The following ZRANB1 variants were observed in gnomAD, a reference collection of about 807,000 sequenced individuals.
ZRANB1 encodes the protein zinc finger RANBP2-type containing 1, also known as ubiquitin thioesterase ZRANB1.
Under a neutral mutation model 80.5 loss-of-function variants are expected in ZRANB1, and 16 were observed. The ratio of observed to expected loss-of-function variants is 0.20; its 90% CI spans 0.13 to 0.30. ZRANB1 has a LOEUF of 0.30. Among genes scored for constraint, ZRANB1 ranks in the 10% least tolerant of loss-of-function variants. The pLI, the probability that ZRANB1 is intolerant of heterozygous loss-of-function variation, is 1.00. For synonymous variants in ZRANB1, 291 were observed against 293.1 expected (o/e 0.99, Z 0.07); for missense variants, 576 against 862.6 (o/e 0.67, Z 4.16).
upstream of ZRANB1, among the ~76,000 whole-genome samples, chr10:124,941,065 GAGAA>G (rs1036487768): frequency 3.9e-5 from 6 of 152,128 alleles, no homozygotes; most frequent in Middle Eastern, 3.4e-3. Context: ...AAAAATCCCT[GAGAA>G]AGAGAGAGCA....
chr10:124,931,742 A>G, the ZRANB1 span, among the ~76,000 whole-genome samples: 6 of 152,186 alleles, frequency 3.9e-5, no homozygotes, highest in African/African-American at 1.4e-4. Flanking sequence ...GAGAGTTCCC[A>G]TACACCTGCT....
the ZRANB1 span, chr10:124,917,067 C>G: frequency 6.5e-6 from 1 of 153,032 alleles, no homozygotes; most frequent in Admixed American, 6.6e-5. Flanking sequence ...GAGACCATGT[C>G]CTGACTGAGG....
the ZRANB1 span, among the ~76,000 whole-genome samples, chr10:124,935,810 A>G: frequency 6.6e-6 from 1 of 152,216 alleles, no homozygotes; most frequent in Non-Finnish European, 1.5e-5. Flanking sequence ...TGCCACTGGA[A>G]TCTCTGAACA....
the ZRANB1 span, among the ~76,000 whole-genome samples, chr10:124,922,247 TA>T: frequency 8.2e-6 from 1 of 122,596 alleles, no homozygotes; most frequent in African/African-American, 3.3e-5. Flanking sequence ...GCCCAAATTA[TA>T]TATATATGTA....
chr10:124,934,305 A>T, the ZRANB1 span, among the ~76,000 whole-genome samples: 1 of 152,194 alleles, frequency 6.6e-6, no homozygotes, highest in Non-Finnish European at 1.5e-5. Context: ...TACTCATTTG[A>T]TACAGATGCC....
intron 1 of ZRANB1, among the ~76,000 whole-genome samples, chr10:124,948,112 A>G (rs987530458): frequency 2.0e-5 from 3 of 152,092 alleles, no homozygotes; most frequent in African/African-American, 7.2e-5. Flanking sequence ...AGACAGCAAG[A>G]ATAATGCCTC....
intron 2 of ZRANB1, among the ~76,000 whole-genome samples, chr10:124,967,945 C>T (rs1369496073): frequency 6.6e-6 from 1 of 150,874 alleles, no homozygotes; most frequent in Non-Finnish European, 1.5e-5. Flanking sequence ...GTTGCCCAGG[C>T]TGTAGTATAG....
At chr10:124,931,329 G>A in the ZRANB1 span, among the ~76,000 whole-genome samples, 3 of 152,038 alleles carry the variant, frequency 2.0e-5, no homozygotes, top group African/African-American at 7.2e-5. Context: ...GATTACAGCA[G>A]TGGTTCCTAC....
chr10:124,967,054 T>A (rs1041788429), intron 2 of ZRANB1, among the ~76,000 whole-genome samples: 13 of 152,202 alleles, frequency 8.5e-5, no homozygotes, highest in African/African-American at 3.1e-4. Context: ...AATTAACAGA[T>A]ATTTATTGTG....
In ZRANB1 at chr10:124,973,662, C is replaced by A; in HGVS notation, c.1174C>A (p.Pro392Thr). ...CTTTGTAGATATTGAAGATTTGCCC[C>A]CAACAGTCCAAGAAAAATTATTTGA... is the stretch of plus-strand genomic sequence containing the variant. ...TLPADIEDLP[P>T]TVQEKLFDEV... Residue 392 changes from proline (P) to threonine (T), a missense_variant, in exon 4 of 9, where the codon CCA (proline) becomes ACA (threonine). Pro to Thr is a conservative substitution (Grantham distance 38). Around this residue, in one of 3 missense-constraint regions of ZRANB1, gnomAD observed 411 missense variants for 583.1 expected, o/e 0.70. Transcript: ENST00000359653. 6.2e-7 allele frequency: 1 copy of A among 1,612,064 alleles called. No individual in the cohort carries two copies. The highest frequency in any genetic ancestry group is 8.5e-7 in the Non-Finnish European group (1 of 1,179,428).
At chr10:124,942,055 A>G (rs917337559), upstream of ZRANB1, 6 of 699,854 alleles carry the variant, frequency 8.6e-6, no homozygotes, top group African/African-American at 3.9e-5. Context: ...TGTTTAAGCT[A>G]TTTTTTAGTT....
chr10:124,957,930 A>G (rs563686148), intron 1 of ZRANB1, among the ~76,000 whole-genome samples: 39 of 152,216 alleles, frequency 2.6e-4, no homozygotes, highest in South Asian at 2.5e-3. Context: ...GGGTTTCACC[A>G]TGTTGGCCAG....
chr10:124,959,473 T>TC (rs1236114364), intron 1 of ZRANB1, among the ~76,000 whole-genome samples: 3 of 151,530 alleles, frequency 2.0e-5, no homozygotes, highest in Non-Finnish European at 4.4e-5. Flanking sequence ...TTTTTTTTTT[T>TC]CCCCCTGAGA....
intron 5 of ZRANB1, 133 bp from the exon 6 acceptor site, chr10:124,981,576 A>C: frequency 1.2e-6 from 1 of 861,670 alleles, no homozygotes; most frequent in South Asian, 2.2e-5. Flanking sequence ...ATACATTACC[A>C]ACCAGACAAA....
the ZRANB1 span, among the ~76,000 whole-genome samples, chr10:124,918,294 G>T: frequency 6.6e-6 from 1 of 152,154 alleles, no homozygotes; most frequent in Non-Finnish European, 1.5e-5. Context: ...AGGTTCAAGC[G>T]ATTCTCCTGC....
chr10:124,939,920 C>A (rs1284056304), upstream of ZRANB1, among the ~76,000 whole-genome samples: 1 of 151,988 alleles, frequency 6.6e-6, no homozygotes, highest in Non-Finnish European at 1.5e-5. Flanking sequence ...AATCATTATA[C>A]AAACTAAATT....
At chr10:124,967,625 A>T (rs898056349) in intron 2 of ZRANB1, among the ~76,000 whole-genome samples, 1 of 152,112 alleles carries the variant, frequency 6.6e-6, no homozygotes, top group African/African-American at 2.4e-5. Flanking sequence ...GGAGTTGCAG[A>T]GGTGCTGGCA....
At chr10:124,917,632 C>T in the ZRANB1 span, among the ~76,000 whole-genome samples, 3 of 152,200 alleles carry the variant, frequency 2.0e-5, no homozygotes, top group Non-Finnish European at 4.4e-5. Flanking sequence ...GCTCCCACTC[C>T]GCAATAGGCC....
At chr10:124,947,726 C>A (rs1951596899) in intron 1 of ZRANB1, among the ~76,000 whole-genome samples, 1 of 152,160 alleles carries the variant, frequency 6.6e-6, no homozygotes, top group Non-Finnish European at 1.5e-5. Flanking sequence ...GTGCCAAAAG[C>A]CTTGGCCCTC....
Sources: allele counts gnomAD v4.1 joint callset (sites outside exome capture counted in the v4.1 genomes callset), GRCh38; gene constraint gnomAD v4.1.1; regional missense constraint gnomAD v4.1.1; transcripts MANE v1.5; gene names NCBI Gene and HGNC (gene_info 2026-07-23, HGNC 2026-07-21).